The following SCN8A variants were observed in gnomAD, a reference collection of about 807,000 sequenced individuals.
SCN8A encodes sodium voltage-gated channel alpha subunit 8, also known as sodium channel protein type 8 subunit alpha.
Under a neutral mutation model 184.1 loss-of-function variants are expected in SCN8A, and 30 were observed. The ratio of observed to expected loss-of-function variants is 0.16; its 90% CI spans 0.12 to 0.22. The LOEUF (loss-of-function observed/expected upper bound fraction) is 0.22, where lower values mean the gene tolerates loss of function less well. Ranked by LOEUF, SCN8A falls within the 10% of genes least tolerant of loss-of-function variation. The pLI is 1.00. For missense variants in SCN8A, 1,057 were observed against 2,498.9 expected (o/e 0.42, Z 12.30); for synonymous variants, 852 against 907.0 (o/e 0.94, Z 1.09).
rs757582223 is a variant in SCN8A at position 51,662,959 on chromosome 12, G to A, written c.142G>A (p.Asp48Asn). 1.9e-6 allele frequency: 3 copies of A among 1,614,046 alleles called. No homozygotes were observed. The highest frequency in any genetic ancestry group is 1.7e-5 in the Admixed American group (1 of 60,032). Residue 48 changes from aspartate (D) to asparagine (N), a missense_variant, in exon 2 of 27, where the codon GAT becomes AAT. By Grantham distance (23) the Asp-to-Asn change is conservative. Coordinates refer to ENST00000627620, the MANE Select transcript of SCN8A (RefSeq NM_001330260.2). The part of the protein sequence containing the change: ...PKADGSHRED[D>N]EDSKPKPNSD... Reference sequence around the variant, plus strand: ...GGCCGATGGCAGTCATCGGGAGGACGATGAGGACAGCAAGCCCAAGCCAAA... The same window carrying A: ...GGCCGATGGCAGTCATCGGGAGGACAATGAGGACAGCAAGCCCAAGCCAAA...
At chr12:51,739,661 A>G (rs1311070347) in intron 12 of SCN8A, among the ~76,000 whole-genome samples, 1 of 152,186 alleles carries the variant, frequency 6.6e-6, no homozygotes. Flanking sequence ...GGACTGCTTT[A>G]AGAGTACTCG....
At chr12:51,601,994 A>T (rs1394255096) in intron 1 of SCN8A, among the ~76,000 whole-genome samples, 2 of 151,540 alleles carry the variant, frequency 1.3e-5, no homozygotes, top group Non-Finnish European at 2.9e-5. Flanking sequence ...TTCTAGAACC[A>T]TTAGCTCCTT....
intron 26 of SCN8A, among the ~76,000 whole-genome samples, chr12:51,804,988 A>G (rs1938660134): frequency 6.6e-6 from 1 of 152,210 alleles, no homozygotes; most frequent in African/African-American, 2.4e-5. Context: ...GTTAAAGGAT[A>G]ATGAGGTTAT....
At chr12:51,640,237 T>G (rs1443884544) in intron 1 of SCN8A, among the ~76,000 whole-genome samples, 3 of 127,426 alleles carry the variant, frequency 2.4e-5, no homozygotes, top group Admixed American at 1.6e-4. Flanking sequence ...TTTTTTTTTT[T>G]TTTTTTTTTT....
chr12:51,674,295 T>A (rs1213104951), intron 2 of SCN8A, among the ~76,000 whole-genome samples: 3 of 152,182 alleles, frequency 2.0e-5, no homozygotes, highest in Non-Finnish European at 4.4e-5. Flanking sequence ...GCCAAGTATG[T>A]GGATCCAAAT....
intron 6 of SCN8A, among the ~76,000 whole-genome samples, chr12:51,690,222 G>A (rs142032918): frequency 9.3e-4 from 141 of 152,300 alleles, no homozygotes; most frequent in African/African-American, 3.3e-3. Flanking sequence ...GGAAGACTCC[G>A]TAGAGACCAG....
intron 14 of SCN8A, among the ~76,000 whole-genome samples, chr12:51,759,472 CAA>C (rs1565914129): frequency 1.3e-5 from 2 of 152,272 alleles, no homozygotes; most frequent in East Asian, 3.9e-4. Flanking sequence ...CAGGACAGCT[CAA>C]GAGTTCATCA....
intron 3 of SCN8A, 113 bp downstream of exon 3, chr12:51,684,405 A>G: frequency 4.3e-6 from 3 of 698,540 alleles, no homozygotes; most frequent in Non-Finnish European, 7.9e-6. Flanking sequence ...TAGTGTAGTT[A>G]ACTAGCCCAT....
At chr12:51,780,598 T>TTG in intron 20 of SCN8A, 51 bp from the exon 21 acceptor site, 2 of 387,350 alleles carry the variant, frequency 5.2e-6, no homozygotes, top group Non-Finnish European at 4.3e-6. Flanking sequence ...TTTTTTTTTT[T>TTG]TTTTTTGGTT....
At chr12:51,632,487 G>C (rs1317600301) in intron 1 of SCN8A, among the ~76,000 whole-genome samples, 1 of 152,040 alleles carries the variant, frequency 6.6e-6, no homozygotes, top group Non-Finnish European at 1.5e-5. Flanking sequence ...TCTAACCTCA[G>C]TCTTAGACAT....
chr12:51,627,181 T>C (rs944742470), intron 1 of SCN8A, among the ~76,000 whole-genome samples: 9 of 152,192 alleles, frequency 5.9e-5, no homozygotes, highest in African/African-American at 1.7e-4. Flanking sequence ...TGTTAACATA[T>C]ACACTTTGGG....
At chr12:51,739,181 C>A (rs901381693) in intron 12 of SCN8A, among the ~76,000 whole-genome samples, 15 of 151,880 alleles carry the variant, frequency 9.9e-5, no homozygotes, top group South Asian at 2.1e-4. Flanking sequence ...TTTTTAAATT[C>A]TTTGAGTAAT....
chr12:51,599,051 A>G (rs1939409093), intron 1 of SCN8A, among the ~76,000 whole-genome samples: 1 of 152,168 alleles, frequency 6.6e-6, no homozygotes, highest in East Asian at 1.9e-4. Context: ...TTATAGAATT[A>G]CCTGTTAAAA....
Position 51,798,608 on chromosome 12 carries a change from T to TAA in SCN8A, c.4795+3968_4795+3969dup, listed in dbSNP as rs1938474093. The stretch of plus-strand genomic sequence containing the variant: ...GAGTCCATGTTGGTGAGCCCATGCG[T>TAA]AACCTCCATCCCTGCCACTATAGTC... On this transcript the variant is annotated intron_variant, in intron 26 of 26. Transcript: ENST00000627620. Among the ~76,000 whole-genome samples, 3 of 152,306 alleles carry TAA rather than the reference T, an allele frequency of 2.0e-5. No homozygotes were observed. In the South Asian group the frequency reaches 6.2e-4, roughly 32 times the overall value.
intron 2 of SCN8A, among the ~76,000 whole-genome samples, chr12:51,676,509 C>T (rs2138694133): frequency 6.6e-6 from 1 of 152,238 alleles, no homozygotes; most frequent in African/African-American, 2.4e-5. Context: ...TGGCTGTATG[C>T]ATACTCAGAA....
At chr12:51,770,448 A>T (rs1346731364) in intron 18 of SCN8A, 81 bp from the exon 19 acceptor site, 2 of 1,431,354 alleles carry the variant, frequency 1.4e-6, no homozygotes, top group Non-Finnish European at 1.9e-6. Flanking sequence ...AGCACCTGGC[A>T]GGGCCTGGGA....
At chr12:51,658,242 C>G (rs1940860862) in intron 1 of SCN8A, among the ~76,000 whole-genome samples, 2 of 152,102 alleles carry the variant, frequency 1.3e-5, no homozygotes, top group African/African-American at 4.8e-5. Context: ...TCTTGCAGTT[C>G]ATGAACATGG....
chr12:51,642,027 A>G (rs1180024381), intron 1 of SCN8A, among the ~76,000 whole-genome samples: 2 of 152,306 alleles, frequency 1.3e-5, no homozygotes, highest in East Asian at 3.9e-4. Context: ...CCCGCATTGT[A>G]TACTAGTTGT....
chr12:51,638,784 C>T (rs1341596078), intron 1 of SCN8A, among the ~76,000 whole-genome samples: 8 of 151,744 alleles, frequency 5.3e-5, no homozygotes, highest in East Asian at 2.0e-4. Flanking sequence ...CACACCCGGC[C>T]GGAAGGAGTT....
Sources: gnomAD v4.1 joint callset for allele counts (sites outside exome capture counted in the v4.1 genomes callset) on GRCh38, gnomAD v4.1.1 for gene constraint, MANE v1.5 for transcripts, NCBI Gene and HGNC (gene_info 2026-07-23, HGNC 2026-07-21) for gene names.